TRDMT1: variants seen among roughly 807,000 people sequenced by gnomAD.
The protein encoded by TRDMT1 is tRNA (cytosine(38)-C(5))-methyltransferase.
Under a neutral mutation model 51.2 loss-of-function variants are expected in TRDMT1, and 49 were observed. The ratio of observed to expected loss-of-function variants is 0.96; its 90% CI spans 0.76 to 1.21. The LOEUF (loss-of-function observed/expected upper bound fraction) is 1.21. Among genes scored for constraint, TRDMT1 ranks in the 50% most tolerant of loss-of-function variants. The probability of loss-of-function intolerance (pLI) is 0.00; values close to 1 mark genes in which losing one functional copy is unlikely to be tolerated. For missense variants in TRDMT1, 534 were observed against 462.3 expected (o/e 1.16, Z -1.42); for synonymous variants, 187 against 164.6 (o/e 1.14, Z -1.04).
chr10:17,165,989 A>G (rs1841151239), intron 3 of TRDMT1, among the ~76,000 whole-genome samples: 1 of 152,190 alleles, frequency 6.6e-6, no homozygotes, highest in Non-Finnish European at 1.5e-5. Flanking sequence ...TAGAACTAGA[A>G]ATACCATTTG....
chr10:17,157,150 G>C (rs1471625372), intron 8 of TRDMT1, among the ~76,000 whole-genome samples: 1 of 152,138 alleles, frequency 6.6e-6, no homozygotes, highest in African/African-American at 2.4e-5. Context: ...GCAAGTAATA[G>C]TCTACAGAAA....
intron 2 of TRDMT1, among the ~76,000 whole-genome samples, chr10:17,170,685 TC>T: frequency 6.6e-6 from 1 of 152,226 alleles, no homozygotes; most frequent in Non-Finnish European, 1.5e-5. Context: ...AGCCATCCTA[TC>T]CAAGACCACA....
rs967610885 is a variant in TRDMT1, at chr10:17,141,536, T to C, written c.*7504A>G. Among the ~76,000 whole-genome samples, 1 of 152,014 alleles carries C rather than the reference T, an allele frequency of 6.6e-6. No individual in the cohort carries two copies. Among genetic ancestry groups the C allele is most frequent in the Admixed American group, 6.6e-5 (1 of 15,264 alleles). On this transcript the variant is annotated 3_prime_UTR_variant, in exon 11 of 11. Transcript: ENST00000377799. ...TAAATGCTCTTTCAGCTCCATTTTTTTCCCCTCTACTTCTGGCACCCCAAA... is the reference window on the plus strand; with the variant it reads ...TAAATGCTCTTTCAGCTCCATTTTTCTCCCCTCTACTTCTGGCACCCCAAA...
intron 3 of TRDMT1, among the ~76,000 whole-genome samples, chr10:17,167,817 ATCAGTATTAGAAAG>A (rs1841416695): frequency 2.0e-5 from 3 of 152,338 alleles, no homozygotes; most frequent in Non-Finnish European, 4.4e-5. Context: ...ACTTTGCTTA[ATCAGTATTAGAAAG>A]ATATTCTTGA....
At chr10:17,191,430 G>A (rs1844665192) in intron 1 of TRDMT1, among the ~76,000 whole-genome samples, 1 of 152,228 alleles carries the variant, frequency 6.6e-6, no homozygotes, top group Admixed American at 6.5e-5. Context: ...CTCAGGCCAA[G>A]CTTAGCTGCA....
At position 17,138,762 on chromosome 10, in the gene TRDMT1, T is replaced by A. The variant is rs1003736525; in HGVS notation, c.*10278A>T. ...GAGAACTTTTCCACTTTTTTCAAGTTTTTTTTTTTAAGTAATATAATCCCT... is the reference window on the plus strand; with the variant it reads ...GAGAACTTTTCCACTTTTTTCAAGTATTTTTTTTTAAGTAATATAATCCCT... On this transcript the variant is annotated 3_prime_UTR_variant, in exon 11 of 11. Transcript: ENST00000377799. Among the ~76,000 whole-genome samples the A allele has an allele frequency of 7.3e-5, 11 of 150,592 alleles. No individual in the cohort carries two copies. Among genetic ancestry groups the A allele is most frequent in the African/African-American group, 2.7e-4 (11 of 40,756 alleles).
At chr10:17,162,715 C>T (rs530849179) in intron 3 of TRDMT1, among the ~76,000 whole-genome samples, 7 of 152,194 alleles carry the variant, frequency 4.6e-5, no homozygotes, top group Non-Finnish European at 5.9e-5. Flanking sequence ...TGGTGGGGTA[C>T]GCCTGTAATC....
In TRDMT1 at chr10:17,140,996, A is replaced by G. The variant is rs1278920608; in HGVS notation, c.*8044T>C. On this transcript the variant is annotated 3_prime_UTR_variant, in exon 11 of 11. Transcript: ENST00000377799. Reference sequence around the variant, plus strand: ...GAGGTATATGTGTATCGATACATATATAGATAAAACAGAGATCTCTTGAAG... The same window carrying G: ...GAGGTATATGTGTATCGATACATATGTAGATAAAACAGAGATCTCTTGAAG... 1.3e-5 allele frequency among the ~76,000 whole-genome samples: 2 copies of G among 152,208 alleles called. No individual in the cohort carries two copies. The highest frequency in any genetic ancestry group is 2.9e-5 in the Non-Finnish European group (2 of 68,040).
At chr10:17,190,850 G>A (rs1371193396) in intron 1 of TRDMT1, among the ~76,000 whole-genome samples, 2 of 152,222 alleles carry the variant, frequency 1.3e-5, no homozygotes, top group African/African-American at 2.4e-5. Flanking sequence ...CTACATTCTA[G>A]AGGAGAGAGA....
chr10:17,192,885 G>A (rs1844884299), intron 1 of TRDMT1, among the ~76,000 whole-genome samples: 1 of 152,026 alleles, frequency 6.6e-6, no homozygotes, highest in East Asian at 1.9e-4. Flanking sequence ...CAAGAAAGTA[G>A]GCATCAAAGG....
At chr10:17,177,731 C>CAA (rs1411219885) in intron 1 of TRDMT1, among the ~76,000 whole-genome samples, 1 of 151,360 alleles carries the variant, frequency 6.6e-6, no homozygotes, top group African/African-American at 2.4e-5. Context: ...CACACACACA[C>CAA]ACACACACAC....
rs751101738 is a variant in TRDMT1, at chr10:17,157,505, GC to G, written c.822del (p.Arg275AspfsTer6). The G allele has an allele frequency of 6.2e-7, 1 of 1,613,852 alleles. No individual in the cohort carries two copies. Among genetic ancestry groups the G allele is most frequent in the Non-Finnish European group, 8.5e-7 (1 of 1,179,882 alleles). Reference sequence around the variant, plus strand: ...ACAATGTCTAACAGAAGAGCATATCGCAGCAATGACTTTGGTGGTAAAAGAT... The same window carrying G: ...ACAATGTCTAACAGAAGAGCATATCGAGCAATGACTTTGGTGGTAAAAGAT... ...NQYLLPPKSLLRYALLLDIVQ... is the reference protein window; with the variant it reads ...NQYLLPPKSLXRYALLLDIVQ... On this transcript the variant is annotated frameshift_variant, in exon 8 of 11. Transcript: ENST00000377799. LOFTEE classifies it high-confidence loss of function.
chr10:17,199,288 T>C (rs546702152), intron 1 of TRDMT1, among the ~76,000 whole-genome samples: 32 of 151,406 alleles, frequency 2.1e-4, no homozygotes, highest in African/African-American at 7.8e-4. Flanking sequence ...AGCAGAGAGG[T>C]ACAGGGAGGC....
In TRDMT1 at chr10:17,189,279, C is replaced by T. The variant is rs192072051; in HGVS notation, c.64+12292G>A. On this transcript the variant is annotated intron_variant, in intron 1 of 10. Coordinates refer to ENST00000377799, the MANE Select transcript of TRDMT1 (RefSeq NM_004412.7). ...TTAGTTAAAATACTGGGATCACAAG[C>T]GTTTTGAATTTACAGTCATGAAGGA... Among the ~76,000 whole-genome samples the T allele has an allele frequency of 4.0e-4, 61 of 152,168 alleles. No individual in the cohort carries two copies. The East Asian group carries it at 0.011, about 26-fold the overall frequency.
At chr10:17,185,721 G>A (rs10904897) in intron 1 of TRDMT1, among the ~76,000 whole-genome samples, 61,888 of 152,020 alleles carry the variant, frequency 0.41, 14,516 homozygotes, top group South Asian at 0.57. Context: ...GGAATACTAT[G>A]CAGCCATAAA....
chr10:17,175,329 T>C (rs750920835), intron 1 of TRDMT1, among the ~76,000 whole-genome samples: 25 of 152,210 alleles, frequency 1.6e-4, no homozygotes, highest in Non-Finnish European at 3.4e-4. Context: ...TTCACTGCCC[T>C]TCTGTCTTGC....
rs1839713567 is a variant in TRDMT1, at chr10:17,157,598, G to A, written c.730C>T (p.Gln244Ter). 2 of 1,613,972 alleles carry A rather than the reference G, an allele frequency of 1.2e-6. No individual in the cohort carries two copies. The highest frequency in any genetic ancestry group is 2.2e-5 in the East Asian group (1 of 44,860). The change falls in exon 8 of 11, where the codon CAA becomes TAA. Residue 244 changes from glutamine to a stop codon, truncating the protein, a stop_gained. Transcript: ENST00000377799. LOFTEE classifies it high-confidence loss of function. ...ATTTTCACAGAGAGATCACTATCTT[G>A]TTGATTTTTCCTGTGAATTTCTTCT... ...TAEEIHRKNQ[Q>*]DSDLSVKMLK...
rs191186765 is a variant in TRDMT1, at chr10:17,180,793, A to G, written c.65-6133T>C. On this transcript the variant is annotated intron_variant, in intron 1 of 10. Transcript: ENST00000377799. Reference sequence around the variant, plus strand: ...TTCAAACTACCTAGCAAAATGCTAAACTGAACACTAAGCAAATGAGTACTT... The same window carrying G: ...TTCAAACTACCTAGCAAAATGCTAAGCTGAACACTAAGCAAATGAGTACTT... Among the ~76,000 whole-genome samples the G allele has an allele frequency of 4.6e-5, 7 of 152,288 alleles. No homozygotes were observed. In the East Asian group the frequency reaches 1.2e-3, roughly 25 times the overall value.
rs768737823 is a variant in TRDMT1 at position 17,139,914 on chromosome 10, G to T, written c.*9126C>A. Among the ~76,000 whole-genome samples, 10 of 151,832 alleles carry T rather than the reference G, an allele frequency of 6.6e-5. No homozygotes were observed. Among genetic ancestry groups the T allele is most frequent in the Non-Finnish European group, 1.2e-4 (8 of 67,986 alleles). ...AGTGACTTGGACCATATTTGTTACGGAAGTACTGCTAAATCAAGCTTTGTC... is the reference window on the plus strand; with the variant it reads ...AGTGACTTGGACCATATTTGTTACGTAAGTACTGCTAAATCAAGCTTTGTC... On this transcript the variant is annotated 3_prime_UTR_variant, in exon 11 of 11. Transcript: ENST00000377799.
Sources: allele counts gnomAD v4.1 joint callset (sites outside exome capture counted in the v4.1 genomes callset), GRCh38; gene constraint gnomAD v4.1.1; transcripts MANE v1.5; gene names NCBI Gene and HGNC (gene_info 2026-07-23, HGNC 2026-07-21).